The following ASMTL variants were observed in gnomAD, a reference collection of about 807,000 sequenced individuals.
The protein encoded by ASMTL is acetylserotonin O-methyltransferase like.
A neutral mutation model predicts 60.3 loss-of-function variants in ASMTL; 57 were observed. The ratio of observed to expected loss-of-function variants is 0.95; its 90% CI spans 0.76 to 1.18. ASMTL has a LOEUF of 1.18. Ranked by LOEUF, ASMTL falls within the 50% of genes most tolerant of loss-of-function variation. ASMTL has a pLI of 0.00. For missense variants in ASMTL, 981 were observed against 852.6 expected (o/e 1.15, Z -1.88); for synonymous variants, 419 against 373.0 (o/e 1.12, Z -1.42).
chrX:1,445,833 T>G (rs1248763526), intron 1 of ASMTL, among the ~76,000 whole-genome samples: 3 of 152,062 alleles, frequency 2.0e-5, no homozygotes, highest in African/African-American at 7.2e-5. Context: ...CATACAGAGA[T>G]AGGAGCTGAG....
intron 11 of ASMTL, among the ~76,000 whole-genome samples, chrX:1,414,388 A>G (rs1270839736): frequency 6.6e-6 from 1 of 152,162 alleles, no homozygotes; most frequent in Non-Finnish European, 1.5e-5. Context: ...CCCAGCTGCG[A>G]GGAGAAGGTG....
chrX:1,442,862 A>G (rs2091136689), intron 1 of ASMTL, among the ~76,000 whole-genome samples: 1 of 152,114 alleles, frequency 6.6e-6, no homozygotes, highest in Non-Finnish European at 1.5e-5. Context: ...CCCTGCAGAG[A>G]CCGTGGGGTC....
At chrX:1,406,339 TCATGGATGAGATGGATGGATA>T (rs1463679728) in intron 12 of ASMTL, among the ~76,000 whole-genome samples, 1 of 110,020 alleles carries the variant, frequency 9.1e-6, no homozygotes, top group South Asian at 2.9e-4. Flanking sequence ...ATGGATGGAT[TCATGGATGAGATGGATGGATA>T]GGTGAATAGA....
At chrX:1,445,088 C>G (rs1297326893) in intron 1 of ASMTL, among the ~76,000 whole-genome samples, 1 of 152,110 alleles carries the variant, frequency 6.6e-6, no homozygotes, top group Non-Finnish European at 1.5e-5. Context: ...GACACAAATC[C>G]AGCCGTCTGG....
At chrX:1,404,940 T>G in intron 12 of ASMTL, among the ~76,000 whole-genome samples, 1 of 151,564 alleles carries the variant, frequency 6.6e-6, no homozygotes, top group East Asian at 1.9e-4. Context: ...GATGGATAGA[T>G]GGATGCATGG....
intron 7 of ASMTL, among the ~76,000 whole-genome samples, chrX:1,426,477 C>T (rs776879754): frequency 7.9e-4 from 121 of 152,290 alleles, no homozygotes; most frequent in African/African-American, 2.7e-3. Context: ...GGAGGACGCC[C>T]TGTGAGGGAC....
In ASMTL at chrX:1,403,368, C is replaced by G. The variant is rs200974427; in HGVS notation, c.1767G>C (p.Glu589Asp). 2 of 1,613,450 alleles carry G rather than the reference C, an allele frequency of 1.2e-6. No individual in the cohort carries two copies. The highest frequency in any genetic ancestry group is 1.7e-6 in the Non-Finnish European group (2 of 1,179,872). Residue 589 changes from glutamate (E) to aspartate (D), a missense_variant, in exon 13 of 13, where the codon GAG becomes GAC. Glu to Asp is a conservative substitution (Grantham distance 45). Transcript: ENST00000381317. ...CGTGCAGCTCCAGCAAGCACTGATA[C>G]TCGCCCAGGCTCCGCTCCTTGCCTT... ...QTEGKERSLG[E>D]YQCLLELHGF...
chrX:1,437,790 G>C (rs1485534021), intron 3 of ASMTL, among the ~76,000 whole-genome samples: 7 of 151,556 alleles, frequency 4.6e-5, no homozygotes, highest in Non-Finnish European at 7.4e-5. Context: ...CCCGCTACTC[G>C]GGAGGCTGAG....
intron 1 of ASMTL, among the ~76,000 whole-genome samples, chrX:1,452,380 TC>T (rs1332571661): frequency 4.6e-5 from 6 of 129,778 alleles, no homozygotes; most frequent in Non-Finnish European, 8.1e-5. Context: ...ACTCTCCTCA[TC>T]CCCATCCATG....
intron 11 of ASMTL, chrX:1,413,173 G>A (rs1316668450): frequency 6.1e-6 from 2 of 328,472 alleles, no homozygotes; most frequent in Non-Finnish European, 1.2e-5. Context: ...GACCAGCCTG[G>A]GCAACACGGC....
rs748250489 is a variant in ASMTL, at chrX:1,431,281, ATAAAAT to A, written c.509+982_509+987del. 3.1e-3 allele frequency among the ~76,000 whole-genome samples: 398 copies of A among 129,368 alleles called. 2 individuals are homozygous for A. The highest frequency in any genetic ancestry group is 0.011 in the African/African-American group (379 of 34,374). The allele number at this position is 129,368 out of a possible 152,430, so 84.9% of individuals were successfully genotyped here. A position where few individuals can be genotyped will look rare whatever the true frequency, so the allele number is the denominator to read the frequency against. On this transcript the variant is annotated intron_variant, in intron 6 of 12. Transcript: ENST00000381317. ...TATGTAATTATATATTTATATATAAATAAAATTAAATATATAAAATATATAAAATTA... is the reference window on the plus strand; with the variant it reads ...TATGTAATTATATATTTATATATAAATAAATATATAAAATATATAAAATTA...
In ASMTL at chrX:1,415,234, C is replaced by T. The variant is rs777489359; in HGVS notation, c.1523-2380G>A. Among the ~76,000 whole-genome samples, 20 of 99,114 alleles carry T rather than the reference C, an allele frequency of 2.0e-4. 1 individual carries two copies. The South Asian group carries it at 4.8e-3, about 24-fold the overall frequency. 65.0% of individuals were successfully genotyped at this position (99,114 alleles called of 152,430 possible). A position where few individuals can be genotyped will look rare whatever the true frequency, so the allele number is the denominator to read the frequency against. ...GGGATTCCAGGCGTCTCCTGTCAAT[C>T]CGTCCTGGCCTCAGCAGCTGCCACC... On this transcript the variant is annotated intron_variant, in intron 11 of 12. Coordinates refer to ENST00000381317, the MANE Select transcript of ASMTL (RefSeq NM_004192.4).
intron 6 of ASMTL, among the ~76,000 whole-genome samples, chrX:1,428,399 TG>T (rs2090674556): frequency 6.6e-6 from 1 of 151,018 alleles, no homozygotes; most frequent in Admixed American, 6.6e-5. Context: ...CCCAGCACTT[TG>T]GGAGGCCGAG....
At chrX:1,451,059 TC>T (rs2091363134) in intron 1 of ASMTL, among the ~76,000 whole-genome samples, 2 of 100,020 alleles carry the variant, frequency 2.0e-5, no homozygotes, top group Admixed American at 1.1e-4. Context: ...CACTCTCCCC[TC>T]CCCCATACCT....
At position 1,442,261 on chromosome X, in the gene ASMTL, G is replaced by A. The variant is rs781707924; in HGVS notation, c.150C>T (p.Ser50=). 3 of 1,613,816 alleles carry A rather than the reference G, an allele frequency of 1.9e-6. No individual in the cohort carries two copies. Among genetic ancestry groups the A allele is most frequent in the African/African-American group, 2.7e-5 (2 of 74,910 alleles). The change falls in exon 2 of 13, where the codon TCC becomes TCT. Residue 50 remains serine, a synonymous_variant. Coordinates refer to ENST00000381317, the MANE Select transcript of ASMTL (RefSeq NM_004192.4). ...SKFKEKLDKA[S]FATPYGYAME... The stretch of plus-strand genomic sequence containing the variant: ...TGGCGTACCCATACGGAGTAGCGAA[G>A]GAGGCTTTGTCCAGCTTCTCTTTAA...
chrX:1,440,310 T>C (rs1485884043), intron 2 of ASMTL, among the ~76,000 whole-genome samples: 1 of 152,036 alleles, frequency 6.6e-6, no homozygotes, highest in Non-Finnish European at 1.5e-5. Context: ...CAGGATGGTC[T>C]TGAACTCCTG....
At chrX:1,406,746 ATGGG>A (rs1274965989) in intron 12 of ASMTL, among the ~76,000 whole-genome samples, 1 of 151,704 alleles carries the variant, frequency 6.6e-6, no homozygotes, top group African/African-American at 2.4e-5. Flanking sequence ...ATGGTAGATG[ATGGG>A]TAGGTAGGTA....
At chrX:1,433,658 C>A (rs1251157898) in intron 5 of ASMTL, among the ~76,000 whole-genome samples, 9 of 150,792 alleles carry the variant, frequency 6.0e-5, no homozygotes, top group African/African-American at 2.2e-4. Flanking sequence ...CTAGCCTGGG[C>A]GATAAAGCGA....
chrX:1,442,753 T>C (rs1472584052), intron 1 of ASMTL, among the ~76,000 whole-genome samples: 1 of 152,074 alleles, frequency 6.6e-6, no homozygotes, highest in Non-Finnish European at 1.5e-5. Flanking sequence ...CCAGCAATGA[T>C]GGCTGTGGGA....
Sources: allele counts gnomAD v4.1 joint callset (sites outside exome capture counted in the v4.1 genomes callset), GRCh38; gene constraint gnomAD v4.1.1; transcripts MANE v1.5; gene names NCBI Gene and HGNC (gene_info 2026-07-23, HGNC 2026-07-21).